PCDHA10: variants seen among roughly 807,000 people sequenced by gnomAD.
PCDHA10 encodes the protein protocadherin alpha-10.
PCDHA10 carries 45 observed loss-of-function variants against 61.2 expected under a neutral mutation model. The ratio of observed to expected loss-of-function variants is 0.74; its 90% CI spans 0.58 to 0.94. The LOEUF (loss-of-function observed/expected upper bound fraction) is 0.94, where lower values mean the gene tolerates loss of function less well. Among genes scored for constraint, PCDHA10 ranks in the 40% least tolerant of loss-of-function variants. The probability of loss-of-function intolerance (pLI) is 0.00; values close to 1 mark genes in which losing one functional copy is unlikely to be tolerated. For synonymous variants in PCDHA10, 602 were observed against 548.8 expected (o/e 1.10, Z -1.35); for missense variants, 1,278 against 1,236.2 (o/e 1.03, Z -0.51).
At chr5:140,991,640 T>C (rs1315335320) in intron 3 of PCDHA10, among the ~76,000 whole-genome samples, 1 of 152,194 alleles carries the variant, frequency 6.6e-6, no homozygotes, top group Non-Finnish European at 1.5e-5. Flanking sequence ...AACAATCTGT[T>C]CATGACAATT....
rs1305533270 is a variant in PCDHA10, at chr5:141,000,401, A to C, written c.2537-9226A>C. Among the ~76,000 whole-genome samples the C allele has an allele frequency of 8.1e-3, 613 of 75,996 alleles. 4 individuals are homozygous for C. The highest frequency in any genetic ancestry group is 0.017 in the East Asian group (44 of 2,548). The allele number at this position is 75,996 out of a possible 152,430, so 49.9% of individuals were successfully genotyped here. A position where few individuals can be genotyped will look rare whatever the true frequency, so the allele number is the denominator to read the frequency against. On this transcript the variant is annotated intron_variant, in intron 3 of 3. Transcript: ENST00000307360. Reference sequence around the variant, plus strand: ...TCTCTCTCTCTCTCTCTCTCTATATATATATATATATATATATATATTTTT... The same window carrying C: ...TCTCTCTCTCTCTCTCTCTCTATATCTATATATATATATATATATATTTTT...
intron 1 of PCDHA10, chr5:140,875,641 G>A (rs782380583): frequency 6.2e-7 from 1 of 1,613,690 alleles, no homozygotes; most frequent in South Asian, 1.1e-5. Flanking sequence ...GCTGGAGCTG[G>A]CGGAGCTGGT....
intron 1 of PCDHA10, chr5:140,966,591 C>A (rs2096024240): frequency 1.7e-6 from 1 of 588,704 alleles, no homozygotes; most frequent in Non-Finnish European, 2.7e-6. Flanking sequence ...GACGGTGGGG[C>A]CAGGAGCCCT....
At chr5:140,908,348 T>C (rs977122453) in intron 1 of PCDHA10, among the ~76,000 whole-genome samples, 43 of 152,160 alleles carry the variant, frequency 2.8e-4, no homozygotes, top group Non-Finnish European at 5.3e-4. Flanking sequence ...CACTACCTCA[T>C]GTAACTTACT....
intron 3 of PCDHA10, among the ~76,000 whole-genome samples, chr5:141,008,075 G>A (rs1002549445): frequency 2.0e-5 from 3 of 152,004 alleles, no homozygotes; most frequent in Non-Finnish European, 1.5e-5. Flanking sequence ...GAACTTATTG[G>A]GGTTATTCTA....
At chr5:140,900,477 A>G (rs2068076560) in intron 1 of PCDHA10, among the ~76,000 whole-genome samples, 1 of 152,290 alleles carries the variant, frequency 6.6e-6, no homozygotes, top group Non-Finnish European at 1.5e-5. Flanking sequence ...GAGTTTCTCC[A>G]TGTTGGTCAG....
intron 1 of PCDHA10, chr5:140,926,974 G>T (rs145276602): frequency 2.2e-4 from 360 of 1,610,140 alleles, no homozygotes; most frequent in Middle Eastern, 1.2e-3. Context: ...CTCAGTGCCG[G>T]AGGAGACGGA....
chr5:141,000,015 G>A (rs960608216), intron 3 of PCDHA10, among the ~76,000 whole-genome samples: 8 of 151,984 alleles, frequency 5.3e-5, no homozygotes, highest in Non-Finnish European at 5.9e-5. Flanking sequence ...CCTCCCCATT[G>A]CTAAGCCTGA....
At chr5:140,977,351 AT>A (rs2096757742) in intron 1 of PCDHA10, among the ~76,000 whole-genome samples, 1 of 152,348 alleles carries the variant, frequency 6.6e-6, no homozygotes, top group Non-Finnish European at 1.5e-5. Context: ...ATGATGACTG[AT>A]TGATAAAAAG....
At chr5:140,968,273 G>A in intron 1 of PCDHA10, 1 of 1,614,080 alleles carries the variant, frequency 6.2e-7, no homozygotes, top group African/African-American at 1.3e-5. Context: ...GGAGAATGCA[G>A]AGGTGACCTA....
chr5:140,909,376 A>C (rs934172847), intron 1 of PCDHA10, among the ~76,000 whole-genome samples: 3 of 152,208 alleles, frequency 2.0e-5, no homozygotes, highest in Non-Finnish European at 4.4e-5. Context: ...AAGCAATGAA[A>C]CCACATCTAG....
intron 1 of PCDHA10, chr5:140,884,023 G>C (rs1554181067): frequency 2.5e-6 from 4 of 1,613,202 alleles, no homozygotes; most frequent in Non-Finnish European, 3.4e-6. Flanking sequence ...CGCGGTCGGT[G>C]GGTGCAGGCC....
In PCDHA10 at chr5:140,856,534, A is replaced by G. The variant is rs782489948; in HGVS notation, c.486A>G (p.Gly162=). ...AAGGCGCATCTGATGCGGATGTTGG[A>G]GAGAACGCATTGCTTACTTACAAAC... is the stretch of plus-strand genomic sequence containing the variant. ...PLEGASDADV[G]ENALLTYKLS... Residue 162 remains glycine (G), a synonymous_variant, in exon 1 of 4, where the codon GGA becomes GGG. Transcript: ENST00000307360. 1 of 1,598,482 alleles carries G rather than the reference A, an allele frequency of 6.3e-7. No individual in the cohort carries two copies. The highest frequency in any genetic ancestry group is 8.6e-7 in the Non-Finnish European group (1 of 1,167,906).
At chr5:140,970,693 G>C (rs2096425356) in intron 1 of PCDHA10, among the ~76,000 whole-genome samples, 1 of 152,134 alleles carries the variant, frequency 6.6e-6, no homozygotes, top group South Asian at 2.1e-4. Flanking sequence ...AGGGCTTTTA[G>C]AGCTACTACA....
intron 3 of PCDHA10, 85 bp from the exon 4 acceptor site, chr5:141,009,542 T>C: frequency 6.5e-7 from 1 of 1,530,742 alleles, no homozygotes; most frequent in Admixed American, 2.1e-5. Context: ...AGCCTGCCTA[T>C]GCAGTACTCC....
chr5:140,871,447 G>A, intron 1 of PCDHA10: 1 of 1,609,656 alleles, frequency 6.2e-7, no homozygotes, highest in Non-Finnish European at 8.5e-7. Context: ...TCTGAATAAA[G>A]AGGAGGAAGG....
At chr5:140,906,917 C>T (rs2073040753) in intron 1 of PCDHA10, among the ~76,000 whole-genome samples, 1 of 152,114 alleles carries the variant, frequency 6.6e-6, no homozygotes, top group Non-Finnish European at 1.5e-5. Context: ...AGGAGGAGCC[C>T]AAAAAGTGTC....
chr5:140,876,165 C>A, intron 1 of PCDHA10: 3 of 1,613,944 alleles, frequency 1.9e-6, no homozygotes, highest in Non-Finnish European at 2.5e-6. Flanking sequence ...TTCAAATAAC[C>A]GTCCTGGATG....
In PCDHA10 at chr5:141,010,450, G is replaced by T; in HGVS notation, c.*513G>T. 7.6e-6 allele frequency: 7 copies of T among 920,886 alleles called. No homozygotes were observed. The South Asian group carries it at 1.3e-4, about 17-fold the overall frequency. The allele number at this position is 920,886 out of a possible 1,614,324, so 57.0% of individuals were successfully genotyped here. A position where few individuals can be genotyped will look rare whatever the true frequency, so the allele number is the denominator to read the frequency against. ...AAGAAAACAAAGACAAATAAACAGC[G>T]GAAGTTATCAGTATGGAGGGGAAGT... is the stretch of plus-strand genomic sequence containing the variant. On this transcript the variant is annotated 3_prime_UTR_variant, in exon 4 of 4. Transcript: ENST00000307360.
Sources: gnomAD v4.1 joint callset for allele counts (sites outside exome capture counted in the v4.1 genomes callset) on GRCh38, gnomAD v4.1.1 for gene constraint, MANE v1.5 for transcripts, NCBI Gene and HGNC (gene_info 2026-07-23, HGNC 2026-07-21) for gene names.